Variants in FAM161B observed in about 807,000 individuals in gnomAD.
FAM161B encodes the protein FAM161 centrosomal protein B.
In FAM161B, 46 loss-of-function variants were observed where a neutral mutation model predicts 61.5. That is an observed-to-expected ratio of 0.75 (90% CI 0.59 to 0.96). The LOEUF (loss-of-function observed/expected upper bound fraction) is 0.96, where lower values mean the gene tolerates loss of function less well. Among genes scored for constraint, FAM161B ranks in the 40% least tolerant of loss-of-function variants. The pLI is 0.00. For missense variants in FAM161B, 774 were observed against 800.7 expected (o/e 0.97, Z 0.40); for synonymous variants, 284 against 302.7 (o/e 0.94, Z 0.64).
At chr14:73,939,246 C>T (rs1357814867) in intron 5 of FAM161B, among the ~76,000 whole-genome samples, 1 of 152,114 alleles carries the variant, frequency 6.6e-6, no homozygotes, top group Non-Finnish European at 1.5e-5. Context: ...TTGCAGTGAG[C>T]TGAGATTGCG....
downstream of FAM161B, among the ~76,000 whole-genome samples, chr14:73,927,629 T>C (rs1043486684): frequency 4.6e-5 from 7 of 152,182 alleles, no homozygotes; most frequent in East Asian, 1.9e-4. Context: ...GAAAATTTAA[T>C]TCATTCAGCG....
downstream of FAM161B, among the ~76,000 whole-genome samples, chr14:73,928,531 A>G (rs149290792): frequency 1.3e-3 from 194 of 152,302 alleles, no homozygotes; most frequent in African/African-American, 4.5e-3. Flanking sequence ...AATATCCAGT[A>G]ATAGTACATT....
downstream of FAM161B, chr14:73,931,840 G>A: frequency 2.3e-6 from 1 of 442,668 alleles, no homozygotes; most frequent in Non-Finnish European, 4.3e-6. Flanking sequence ...TGTGTTGGCT[G>A]AAGTTCTTCA....
chr14:73,930,549 T>C (rs2055896416), downstream of FAM161B, among the ~76,000 whole-genome samples: 1 of 152,190 alleles, frequency 6.6e-6, no homozygotes, highest in African/African-American at 2.4e-5. Flanking sequence ...ATTTATTTGA[T>C]TAGATTTTAA....
At chr14:73,942,306 C>A in intron 4 of FAM161B, 63 bp downstream of exon 4, 1 of 1,514,404 alleles carries the variant, frequency 6.6e-7, no homozygotes, top group Non-Finnish European at 8.9e-7. Flanking sequence ...TCCAGGAAGA[C>A]CTGGCCCCAC....
At chr14:73,942,807 G>T in intron 3 of FAM161B, 92 bp from the exon 4 acceptor site, 1 of 1,185,486 alleles carries the variant, frequency 8.4e-7, no homozygotes, top group Non-Finnish European at 1.2e-6. Flanking sequence ...CTAGCTGTAA[G>T]TGTTACTGGA....
the FAM161B span, among the ~76,000 whole-genome samples, chr14:73,925,648 G>A: frequency 1.3e-5 from 2 of 152,100 alleles, no homozygotes; most frequent in Non-Finnish European, 2.9e-5. Context: ...GGCTAGTCTG[G>A]AACTCCTGAC....
chr14:73,944,742 C>T lies in FAM161B; in HGVS notation c.518G>A (p.Arg173Gln), dbSNP rs758965397. ...SSWASSITVPRPFRMTLREAR... is the reference protein window; with the variant it reads ...SSWASSITVPQPFRMTLREAR... ...CTCGCGCAGCGTCATGCGGAATGGC[C>T]GAGGGACAGTAATGGATGATGCCCA... The change falls in exon 3 of 9, where the codon CGG (arginine) becomes CAG (glutamine). Residue 173 changes from arginine (R) to glutamine (Q), a missense_variant. Arg to Gln is a conservative substitution (Grantham distance 43). Coordinates refer to ENST00000286544, the MANE Select transcript of FAM161B (RefSeq NM_152445.3). The T allele has an allele frequency of 9.9e-5, 159 of 1,598,924 alleles. No homozygotes were observed. The highest frequency in any genetic ancestry group is 1.3e-4 in the Non-Finnish European group (151 of 1,170,304).
rs772430119 is a variant in FAM161B at position 73,941,013 on chromosome 14, C to T, written c.1313G>A (p.Arg438His). ...GAGGGAAGCAAGGCCGCTCAGAGAA[C>T]GACTCCTTGGCAGGGGTGTAGCTGG... ...QPPATPLPRS[R>H]SLSGLASLSA... Residue 438 changes from arginine to histidine, a missense_variant, in exon 5 of 9, where the codon CGT becomes CAT. By Grantham distance (29) the Arg-to-His change is conservative. Transcript: ENST00000286544. 21 of 1,611,558 alleles carry T rather than the reference C, an allele frequency of 1.3e-5. No individual in the cohort carries two copies. Among genetic ancestry groups the T allele is most frequent in the East Asian group, 6.7e-5 (3 of 44,748 alleles).
rs2055945338 is a variant in FAM161B at position 73,933,697 on chromosome 14, G to T, written c.*559C>A. On this transcript the variant is annotated 3_prime_UTR_variant, in exon 9 of 9. Transcript: ENST00000286544. ...TAGCCCCTTATAGGCATTTGGGCCT[G>T]TGCTCTCTTTTCTGTACCTAATTCT... The T allele has an allele frequency of 6.7e-6, 1 of 150,052 alleles. No individual in the cohort carries two copies. The highest frequency in any genetic ancestry group is 1.5e-5 in the Non-Finnish European group (1 of 67,228). 9.3% of individuals were successfully genotyped at this position (150,052 alleles called of 1,614,324 possible).
At chr14:73,935,548 T>TA (rs11421857) in intron 8 of FAM161B, among the ~76,000 whole-genome samples, 80,159 of 144,288 alleles carry the variant, frequency 0.56, 23,254 homozygotes, top group South Asian at 0.66. Context: ...ATACAAAAAA[T>TA]AAAAAAAAAA....
chr14:73,927,810 G>A (rs1415470681), downstream of FAM161B: 2 of 154,256 alleles, frequency 1.3e-5, no homozygotes, highest in Admixed American at 6.6e-5. Context: ...GATGGGAGAA[G>A]TGACCAATTA....
downstream of FAM161B, among the ~76,000 whole-genome samples, chr14:73,928,864 A>G (rs960586246): frequency 2.6e-5 from 4 of 152,100 alleles, no homozygotes; most frequent in Non-Finnish European, 4.4e-5. Context: ...AGGAGGATCA[A>G]CTTGAGCCCA....
chr14:73,927,178 C>T (rs928971239), downstream of FAM161B: 16 of 262,738 alleles, frequency 6.1e-5, no homozygotes, highest in Non-Finnish European at 2.5e-5. Flanking sequence ...CTCTACCTCC[C>T]GAATTCAAGC....
chr14:73,937,831 C>T, intron 6 of FAM161B, 117 bp downstream of exon 6: 2 of 1,556,486 alleles, frequency 1.3e-6, no homozygotes, highest in Non-Finnish European at 1.7e-6. Flanking sequence ...CATGACCCTG[C>T]TGTGATTACA....
At chr14:73,939,964 G>A (rs1467965103) in intron 5 of FAM161B, among the ~76,000 whole-genome samples, 1 of 152,198 alleles carries the variant, frequency 6.6e-6, no homozygotes, top group East Asian at 1.9e-4. Flanking sequence ...TCAGGATACT[G>A]AGCAATTAAT....
intron 5 of FAM161B, 101 bp downstream of exon 5, chr14:73,940,825 G>A: frequency 6.8e-7 from 1 of 1,476,802 alleles, no homozygotes; most frequent in Non-Finnish European, 9.0e-7. Context: ...TTGACCCCTT[G>A]AGGTATCTCT....
downstream of FAM161B, chr14:73,932,017 T>C: frequency 2.2e-6 from 1 of 456,526 alleles, no homozygotes; most frequent in Non-Finnish European, 4.4e-6. Flanking sequence ...TCAATTCTCT[T>C]GTTACATTCT....
chr14:73,935,782 TAA>T (rs1446584258), intron 8 of FAM161B, among the ~76,000 whole-genome samples, 165 bp downstream of exon 8: 1 of 152,212 alleles, frequency 6.6e-6, no homozygotes, highest in Non-Finnish European at 1.5e-5. Flanking sequence ...CATCACTCTC[TAA>T]ATTCAAATGT....
Sources: gnomAD v4.1 joint callset for allele counts (sites outside exome capture counted in the v4.1 genomes callset) on GRCh38, gnomAD v4.1.1 for gene constraint, MANE v1.5 for transcripts, NCBI Gene and HGNC (gene_info 2026-07-23, HGNC 2026-07-21) for gene names.